The following MLLT10 variants were observed in gnomAD, a reference collection of about 807,000 sequenced individuals.
The protein encoded by MLLT10 is protein AF-10.
A neutral mutation model predicts 129.1 loss-of-function variants in MLLT10; 30 were observed. That is an observed-to-expected ratio of 0.23 (90% CI 0.17 to 0.32). The LOEUF is 0.32. MLLT10 is among the 10% of genes least tolerant of loss of function. MLLT10 has a pLI of 1.00. For synonymous variants in MLLT10, 490 were observed against 446.4 expected (o/e 1.10, Z -1.23); for missense variants, 1,119 against 1,268.3 (o/e 0.88, Z 1.79).
intron 4 of MLLT10, among the ~76,000 whole-genome samples, chr10:21,592,053 A>C (rs1168300863): frequency 5.3e-5 from 8 of 152,122 alleles, no homozygotes; most frequent in African/African-American, 1.9e-4. Flanking sequence ...ATGTAGAATG[A>C]AACCATATAG....
chr10:21,698,667 T>C (rs1316679879), intron 13 of MLLT10, among the ~76,000 whole-genome samples: 1 of 152,260 alleles, frequency 6.6e-6, no homozygotes, highest in Non-Finnish European at 1.5e-5. Context: ...ATATAGTGGT[T>C]GTACTAATTT....
intron 13 of MLLT10, among the ~76,000 whole-genome samples, chr10:21,705,355 G>C (rs1434795938): frequency 6.6e-5 from 10 of 152,196 alleles, no homozygotes. Context: ...GCAGTCCCCT[G>C]TACTCCAGAC....
intron 8 of MLLT10, among the ~76,000 whole-genome samples, chr10:21,631,696 A>G (rs1266125089): frequency 2.0e-5 from 3 of 152,126 alleles, no homozygotes; most frequent in African/African-American, 4.8e-5. Context: ...TGAAACTGCT[A>G]CATACTTTCA....
chr10:21,655,503 T>G (rs2049483856), intron 9 of MLLT10, among the ~76,000 whole-genome samples: 1 of 151,860 alleles, frequency 6.6e-6, no homozygotes, highest in Non-Finnish European at 1.5e-5. Flanking sequence ...TTTCACGTGT[T>G]ATGAAATAGT....
At chr10:21,717,579 TTTCTTC>T in intron 14 of MLLT10, among the ~76,000 whole-genome samples, 1 of 126,006 alleles carries the variant, frequency 7.9e-6, no homozygotes, top group Non-Finnish European at 1.7e-5. Context: ...CTTCCTCTTC[TTTCTTC>T]CTCTTCCTCT....
chr10:21,579,061 G>A (rs1016104595), intron 3 of MLLT10, among the ~76,000 whole-genome samples: 1 of 152,124 alleles, frequency 6.6e-6, no homozygotes, highest in African/African-American at 2.4e-5. Flanking sequence ...GATAAATTGT[G>A]TTTTCTTTCT....
chr10:21,668,078 A>G (rs2051009525), intron 9 of MLLT10, among the ~76,000 whole-genome samples: 1 of 152,180 alleles, frequency 6.6e-6, no homozygotes, highest in Admixed American at 6.5e-5. Flanking sequence ...CAACAACAAA[A>G]AAAGAACTTA....
At chr10:21,633,564 C>A (rs1406720760) in intron 8 of MLLT10, among the ~76,000 whole-genome samples, 5 of 152,048 alleles carry the variant, frequency 3.3e-5, no homozygotes, top group Non-Finnish European at 5.9e-5. Context: ...TGGTGGTATG[C>A]ACTTCTAGTA....
At chr10:21,601,124 T>G (rs2043487033) in intron 5 of MLLT10, among the ~76,000 whole-genome samples, 1 of 152,156 alleles carries the variant, frequency 6.6e-6, no homozygotes, top group Non-Finnish European at 1.5e-5. Flanking sequence ...TGTTTTATTT[T>G]TTATAGAGAT....
intron 4 of MLLT10, among the ~76,000 whole-genome samples, chr10:21,588,452 C>A (rs2042204973): frequency 6.6e-6 from 1 of 152,036 alleles, no homozygotes. Flanking sequence ...TCTTGATGCA[C>A]TTTCTGATCT....
intron 3 of MLLT10, among the ~76,000 whole-genome samples, chr10:21,543,568 T>TC (rs1202718933): frequency 6.6e-6 from 1 of 152,138 alleles, no homozygotes; most frequent in African/African-American, 2.4e-5. Context: ...AACCTCCGCC[T>TC]CCCGGGTTCA....
At chr10:21,597,260 A>G (rs2043110665) in intron 5 of MLLT10, among the ~76,000 whole-genome samples, 1 of 152,194 alleles carries the variant, frequency 6.6e-6, no homozygotes. Flanking sequence ...GGAAATTAAC[A>G]GCGATACATT....
chr10:21,614,406 G>A (rs1420639026), intron 6 of MLLT10, among the ~76,000 whole-genome samples: 2 of 152,092 alleles, frequency 1.3e-5, no homozygotes, highest in Admixed American at 6.5e-5. Flanking sequence ...TATGTAATCT[G>A]CATCCATGGG....
intron 9 of MLLT10, among the ~76,000 whole-genome samples, chr10:21,660,352 C>CA (rs1172050228): frequency 1.3e-4 from 19 of 151,354 alleles, no homozygotes; most frequent in African/African-American, 4.4e-4. Flanking sequence ...CACGGTGGCT[C>CA]ACGCCTGTAT....
rs1042015808 is a variant in MLLT10, at chr10:21,626,083, C to T, written c.699+8876C>T. On this transcript the variant is annotated intron_variant, in intron 8 of 22. Coordinates refer to ENST00000307729, the MANE Select transcript of MLLT10 (RefSeq NM_001195626.3). ...CCTTGATCTTCACTTCATCAGGTCC[C>T]TTTGTGGACTCTTGCACCTAGCTCC... is the stretch of plus-strand genomic sequence containing the variant. The T allele has an allele frequency of 5.0e-6, 8 of 1,595,034 alleles. No individual in the cohort carries two copies. The African/African-American group carries it at 6.7e-5, about 13-fold the overall frequency.
chr10:21,726,681 CTTTTTTTTTT>C (rs35036202), intron 15 of MLLT10, among the ~76,000 whole-genome samples: 2 of 87,586 alleles, frequency 2.3e-5, no homozygotes, highest in African/African-American at 4.4e-5. Context: ...TAGCAATGTC[CTTTTTTTTTT>C]TTTTTTTTTT....
chr10:21,684,999 T>C (rs1188243516), intron 13 of MLLT10, among the ~76,000 whole-genome samples: 2 of 152,192 alleles, frequency 1.3e-5, no homozygotes, highest in African/African-American at 2.4e-5. Flanking sequence ...AGTTTTTTTT[T>C]CAGACTCTTT....
At chr10:21,579,912 T>A (rs536537950) in intron 3 of MLLT10, among the ~76,000 whole-genome samples, 73 of 152,308 alleles carry the variant, frequency 4.8e-4, no homozygotes, top group South Asian at 1.5e-3. Context: ...CTGACTCTTT[T>A]GTCATCTCAG....
At chr10:21,651,899 A>ATTT (rs2049070282) in intron 9 of MLLT10, 131 bp downstream of exon 9, 18 of 186,058 alleles carry the variant, frequency 9.7e-5, no homozygotes, top group South Asian at 5.5e-4. Flanking sequence ...TAGAATTCTC[A>ATTT]TTTCTTTTTT....
Sources: allele counts gnomAD v4.1 joint callset (sites outside exome capture counted in the v4.1 genomes callset), GRCh38; gene constraint gnomAD v4.1.1; transcripts MANE v1.5; gene names NCBI Gene and HGNC (gene_info 2026-07-23, HGNC 2026-07-21).